Variants in TMEM164 observed in about 807,000 individuals in gnomAD.
TMEM164 encodes RP13-360B22.2.
In TMEM164, 4 loss-of-function variants were observed where a neutral mutation model predicts 18.8. The ratio of observed to expected loss-of-function variants is 0.21; its 90% confidence interval spans 0.10 to 0.49. The LOEUF is 0.49. Ranked by LOEUF, TMEM164 falls within the 20% of genes least tolerant of loss-of-function variation. TMEM164 has a pLI of 0.98. For missense variants in TMEM164, 108 were observed against 239.9 expected (o/e 0.45, Z 3.63); for synonymous variants, 86 against 101.7 (o/e 0.85, Z 0.93).
chrX:110,079,088 A>G (rs186685535), intron 3 of TMEM164, among the ~76,000 whole-genome samples: 2 of 111,208 alleles, frequency 1.8e-5, no homozygotes, highest in East Asian at 5.7e-4. Context: ...TTTAAGATAT[A>G]TATTTTTTTA....
chrX:110,132,884 G>T (rs1248116296), intron 4 of TMEM164, among the ~76,000 whole-genome samples: 1 of 112,244 alleles, frequency 8.9e-6, no homozygotes, highest in Non-Finnish European at 1.9e-5. Context: ...GAGTTAAAGT[G>T]CTTAGAACAA....
rs2067304699 is a variant in TMEM164 at position 110,177,645 on chromosome X, G to A, written c.*4194G>A. On this transcript the variant is annotated 3_prime_UTR_variant, in exon 7 of 7. Transcript: ENST00000372068. ...CTGCAGTCGCCTTTGGAAATAAATG[G>A]TCATTAATTTGTGTACTTAGCATTC... 1 of 112,629 alleles carries A rather than the reference G, an allele frequency of 8.9e-6. No individual in the cohort carries two copies. Among genetic ancestry groups the A allele is most frequent in the African/African-American group, 3.2e-5 (1 of 30,945 alleles). 9.3% of individuals were successfully genotyped at this position (112,629 alleles called of 1,213,427 possible). A position where few individuals can be genotyped will look rare whatever the true frequency, so the allele number is the denominator to read the frequency against.
chrX:110,177,055 A>G lies in TMEM164; in HGVS notation c.*3604A>G, dbSNP rs1165589516. ...GGGAGGCAGCCCTCCTTTTGTGTAT[A>G]TAGAGTGAGCTGATTTGGGCTCAGG... On this transcript the variant is annotated 3_prime_UTR_variant, in exon 7 of 7. Transcript: ENST00000372068. 1 of 111,278 alleles carries G rather than the reference A, an allele frequency of 9.0e-6. No homozygotes were observed. Among genetic ancestry groups the G allele is most frequent in the African/African-American group, 3.3e-5 (1 of 30,529 alleles). The allele number at this position is 111,278 out of a possible 1,213,427, so 9.2% of individuals were successfully genotyped here. A position where few individuals can be genotyped will look rare whatever the true frequency, so the allele number is the denominator to read the frequency against.
intron 2 of TMEM164, among the ~76,000 whole-genome samples, chrX:110,059,875 A>T (rs1221356246): frequency 9.0e-6 from 1 of 111,593 alleles, no homozygotes; most frequent in African/African-American, 3.3e-5. Context: ...AAAACACTGG[A>T]TACTTGGAGA....
intron 3 of TMEM164, among the ~76,000 whole-genome samples, chrX:110,096,837 T>C (rs1256644824): frequency 2.7e-5 from 3 of 111,425 alleles, no homozygotes; most frequent in Middle Eastern, 4.2e-3. Flanking sequence ...TACTTTCTTA[T>C]ATGTGAATTC....
intron 5 of TMEM164, among the ~76,000 whole-genome samples, chrX:110,157,948 G>A (rs1415358371): frequency 3.6e-5 from 4 of 111,615 alleles, no homozygotes; most frequent in Admixed American, 1.9e-4. Flanking sequence ...GTGCAATGGC[G>A]AGATCTTGGC....
chrX:110,168,128 G>A (rs2067182812), intron 5 of TMEM164, among the ~76,000 whole-genome samples: 1 of 112,546 alleles, frequency 8.9e-6, no homozygotes, highest in Admixed American at 9.3e-5. Context: ...AACAGGACTG[G>A]GGGCTCCAGC....
intron 3 of TMEM164, among the ~76,000 whole-genome samples, chrX:110,074,277 G>A (rs893998053): frequency 5.4e-5 from 6 of 111,669 alleles, no homozygotes; most frequent in East Asian, 2.8e-4. Context: ...GTCTGTTCAC[G>A]TCCTTTGCCC....
chrX:110,140,610 A>G (rs1042930888), intron 4 of TMEM164, among the ~76,000 whole-genome samples: 10 of 111,989 alleles, frequency 8.9e-5, no homozygotes, highest in African/African-American at 3.3e-4. Flanking sequence ...CAGACAGTCT[A>G]AACTCTAGAG....
intron 3 of TMEM164, among the ~76,000 whole-genome samples, chrX:110,092,400 A>C (rs2065944122): frequency 9.0e-6 from 1 of 111,700 alleles, no homozygotes; most frequent in South Asian, 3.7e-4. Flanking sequence ...AGTGGTTTGT[A>C]GTTCTCCTTG....
upstream of TMEM164, chrX:110,002,811 G>A (rs1236845991): frequency 9.1e-6 from 1 of 110,403 alleles, no homozygotes; most frequent in Non-Finnish European, 1.9e-5. Flanking sequence ...CCGGTCCCCG[G>A]GGCTGGGCGG....
chrX:110,087,956 C>T (rs978557094), intron 3 of TMEM164, among the ~76,000 whole-genome samples: 10 of 111,506 alleles, frequency 9.0e-5, no homozygotes, highest in Non-Finnish European at 1.5e-4. Context: ...CCAAGGTAGA[C>T]GAGGGAAGCA....
intron 3 of TMEM164, among the ~76,000 whole-genome samples, chrX:110,074,287 C>A (rs1569316948): frequency 9.0e-6 from 1 of 111,637 alleles, no homozygotes; most frequent in Non-Finnish European, 1.9e-5. Flanking sequence ...GTCCTTTGCC[C>A]ACTTTTTAGT....
chrX:110,067,224 A>C, intron 2 of TMEM164, 123 bp from the exon 3 acceptor site: 4 of 714,495 alleles, frequency 5.6e-6, no homozygotes, highest in Non-Finnish European at 8.6e-6. Flanking sequence ...TGCCTTTAAA[A>C]ATTTTTATAT....
At chrX:110,184,237 T>C (rs1174574286), downstream of TMEM164, among the ~76,000 whole-genome samples, 2 of 108,988 alleles carry the variant, frequency 1.8e-5, no homozygotes, top group Non-Finnish European at 3.8e-5. Context: ...AAATAAAGTA[T>C]ATTTAAAATG....
chrX:110,092,299 C>T (rs1285496674), intron 3 of TMEM164, among the ~76,000 whole-genome samples: 3 of 111,803 alleles, frequency 2.7e-5, no homozygotes, highest in Non-Finnish European at 5.6e-5. Flanking sequence ...TTACCTTGGG[C>T]AGTATGGCCA....
chrX:110,062,114 A>G (rs1936147835), intron 2 of TMEM164, among the ~76,000 whole-genome samples: 1 of 112,258 alleles, frequency 8.9e-6, no homozygotes. Flanking sequence ...TTCCATAAAT[A>G]AAAACCTATC....
At chrX:110,136,323 G>T (rs887384649) in intron 4 of TMEM164, among the ~76,000 whole-genome samples, 1 of 110,999 alleles carries the variant, frequency 9.0e-6, no homozygotes, top group Non-Finnish European at 1.9e-5. Context: ...GTGGTATTTC[G>T]TCCTAAGGAG....
At chrX:110,110,190 C>T (rs1194326190) in intron 4 of TMEM164, among the ~76,000 whole-genome samples, 1 of 111,075 alleles carries the variant, frequency 9.0e-6, no homozygotes, top group Non-Finnish European at 1.9e-5. Context: ...GCTTTGCTCC[C>T]TCTCCACAAA....
Sources: gnomAD v4.1 joint callset for allele counts (sites outside exome capture counted in the v4.1 genomes callset) on GRCh38, gnomAD v4.1.1 for gene constraint, MANE v1.5 for transcripts, NCBI Gene and HGNC (gene_info 2026-07-23, HGNC 2026-07-21) for gene names.